FGF12: variants seen among roughly 807,000 people sequenced by gnomAD.
FGF12 encodes fibroblast growth factor 12B.
FGF12 carries 14 observed loss-of-function variants against 23.6 expected under a neutral mutation model. The ratio of observed to expected loss-of-function variants is 0.59; its 90% CI spans 0.39 to 0.93. The LOEUF is 0.93. FGF12 is among the 40% of genes least tolerant of loss of function. The probability of loss-of-function intolerance (pLI) is 0.00; values close to 1 mark genes in which losing one functional copy is unlikely to be tolerated. For missense variants in FGF12, 175 were observed against 217.8 expected (o/e 0.80, Z 1.24); for synonymous variants, 62 against 77.3 (o/e 0.80, Z 1.04).
intron 2 of FGF12, among the ~76,000 whole-genome samples, chr3:192,707,922 T>C (rs560971618): frequency 6.6e-6 from 1 of 152,114 alleles, no homozygotes; most frequent in Non-Finnish European, 1.5e-5. Context: ...AACAGGAAGT[T>C]CAGTCATATG....
At chr3:192,324,276 C>T (rs560649398) in intron 4 of FGF12, among the ~76,000 whole-genome samples, 1 of 152,208 alleles carries the variant, frequency 6.6e-6, no homozygotes, top group East Asian at 1.9e-4. Context: ...ACTCTTCAAG[C>T]AATCCCCCAA....
In FGF12 at chr3:192,409,129, G is replaced by A; in HGVS notation, c.14-48591C>T. On this transcript the variant is annotated intron_variant, in intron 2 of 5. Transcript: ENST00000445105. The surrounding 1 kb of genome is among the most constrained non-coding windows in gnomAD (Gnocchi z 4.8). Reference sequence around the variant, plus strand: ...CCTCGAGGGCCAAGCACCCCTCGGGGAGAAACCAGCGAGAGGCGATCTGCG... The same window carrying A: ...CCTCGAGGGCCAAGCACCCCTCGGGAAGAAACCAGCGAGAGGCGATCTGCG... 1 of 327,328 alleles carries A rather than the reference G, an allele frequency of 3.1e-6. No homozygotes were observed. 20.3% of individuals were successfully genotyped at this position (327,328 alleles called of 1,614,324 possible).
rs530240009 is a variant in FGF12 at position 192,409,529 on chromosome 3, G to A, written c.14-48991C>T. On this transcript the variant is annotated intron_variant, in intron 2 of 5. Transcript: ENST00000445105. The surrounding 1 kb of genome is among the most constrained non-coding windows in gnomAD (Gnocchi z 4.8). Reference sequence around the variant, plus strand: ...CAGCTCACAGGCAGCAGATCAGATGGGGATTACCCGCCGGACGCAAGGCCG... The same window carrying A: ...CAGCTCACAGGCAGCAGATCAGATGAGGATTACCCGCCGGACGCAAGGCCG... 2.6e-5 allele frequency among the ~76,000 whole-genome samples: 4 copies of A among 152,326 alleles called. No homozygotes were observed. In the South Asian group the frequency reaches 8.3e-4, roughly 32 times the overall value.
chr3:192,526,456 A>G (rs1724947935), intron 2 of FGF12, among the ~76,000 whole-genome samples: 1 of 152,190 alleles, frequency 6.6e-6, no homozygotes, highest in African/African-American at 2.4e-5. Flanking sequence ...GAATCAGGAA[A>G]TGCTGAGGCA....
rs114438768 is a variant in FGF12, at chr3:192,289,503, G to A, written c.228+45858C>T. On this transcript the variant is annotated intron_variant, in intron 4 of 5. Transcript: ENST00000445105. Reference sequence around the variant, plus strand: ...AAAAAAATAAGTAGAGGATTCAAATGCGAAAATACAATGACCATTCTAAGT... The same window carrying A: ...AAAAAAATAAGTAGAGGATTCAAATACGAAAATACAATGACCATTCTAAGT... Among the ~76,000 whole-genome samples, 982 of 152,262 alleles carry A rather than the reference G, an allele frequency of 6.4e-3. 9 individuals are homozygous for A. The highest frequency in any genetic ancestry group is 0.023 in the African/African-American group (948 of 41,570).
Position 192,360,510 on chromosome 3 carries a change from C to A in FGF12, c.42G>T (p.Arg14Ser). The A allele has an allele frequency of 1.9e-6, 3 of 1,613,856 alleles. No individual in the cohort carries two copies. The highest frequency in any genetic ancestry group is 2.5e-6 in the Non-Finnish European group (3 of 1,179,798). Reference protein sequence around the residue: ...KEPQLKGIVTRLFSQQGYFLQ... With the variant: ...KEPQLKGIVTSLFSQQGYFLQ... ...GGAAGTATCCCTGCTGGCTGAATAA[C>A]CTTGTCACAATCCCTTTGAGCTGGG... Residue 14 changes from arginine (R) to serine (S), a missense_variant, in exon 3 of 6, where the codon AGG (arginine) becomes AGT (serine). Transcript: ENST00000445105. This position sits in a 1 kb window ranked among gnomAD's most constrained non-coding sequence, Gnocchi z 4.3.
intron 3 of FGF12, among the ~76,000 whole-genome samples, chr3:192,337,787 C>T (rs1177937824): frequency 6.6e-6 from 1 of 152,126 alleles, no homozygotes; most frequent in African/African-American, 2.4e-5. Context: ...TCATGAATAC[C>T]TAATTCTTCT....
chr3:192,645,763 C>T (rs1175212643), intron 2 of FGF12, among the ~76,000 whole-genome samples: 1 of 26,894 alleles, frequency 3.7e-5, no homozygotes, highest in Non-Finnish European at 7.4e-5. Context: ...GTTGACAAAA[C>T]AGGTAAAAAA....
At chr3:192,529,760 A>G (rs1725042199) in intron 2 of FGF12, among the ~76,000 whole-genome samples, 1 of 151,992 alleles carries the variant, frequency 6.6e-6, no homozygotes, top group Non-Finnish European at 1.5e-5. Flanking sequence ...TGTGCAGGGA[A>G]ACTCCCCCTT....
rs148452393 is a variant in FGF12 at position 192,696,829 on chromosome 3, T to A, written c.13+30352A>T. Among the ~76,000 whole-genome samples the A allele has an allele frequency of 4.3e-3, 648 of 152,042 alleles. 4 individuals carry two copies. The highest frequency in any genetic ancestry group is 0.015 in the African/African-American group (624 of 41,480). On this transcript the variant is annotated intron_variant, in intron 2 of 5. Transcript: ENST00000445105. ...GGTGATACAGATGTGCTGGTTTGTATCATTTTATATAACAAGGCCACACTA... is the reference window on the plus strand; with the variant it reads ...GGTGATACAGATGTGCTGGTTTGTAACATTTTATATAACAAGGCCACACTA...
chr3:192,203,566 CT>C (rs3071810), intron 4 of FGF12, among the ~76,000 whole-genome samples: 148 of 130,378 alleles, frequency 1.1e-3, no homozygotes, highest in Admixed American at 2.3e-3. Flanking sequence ...TTTTTCTTTA[CT>C]TTTTTTTTTT....
chr3:192,222,655 A>G (rs918345373), intron 4 of FGF12, among the ~76,000 whole-genome samples: 10 of 152,134 alleles, frequency 6.6e-5, no homozygotes, highest in African/African-American at 2.2e-4. Flanking sequence ...TCAATACATG[A>G]TACTTTTATT....
intron 2 of FGF12, among the ~76,000 whole-genome samples, chr3:192,417,040 A>C (rs549892331): frequency 7.9e-5 from 12 of 152,242 alleles, no homozygotes; most frequent in Non-Finnish European, 1.8e-4. Flanking sequence ...GGATCTCATG[A>C]GGTCATCAGC....
intron 2 of FGF12, among the ~76,000 whole-genome samples, chr3:192,664,605 C>CAAAAAAAAAAAAAAA (rs763256973): frequency 2.7e-5 from 3 of 111,922 alleles, no homozygotes; most frequent in African/African-American, 7.0e-5. Context: ...AAAAAAAATA[C>CAAAAAAAAAAAAAAA]AAAAAAAAAA....
chr3:192,192,728 A>C (rs1332964521), intron 4 of FGF12, among the ~76,000 whole-genome samples: 1 of 150,436 alleles, frequency 6.6e-6, no homozygotes, highest in Non-Finnish European at 1.5e-5. Context: ...ATGAAAAATA[A>C]AAGAAGTGTC....
intron 2 of FGF12, among the ~76,000 whole-genome samples, chr3:192,417,538 C>T (rs1432841908): frequency 1.3e-5 from 2 of 152,010 alleles, no homozygotes; most frequent in Non-Finnish European, 2.9e-5. Context: ...AATAAATGTT[C>T]AGGATGAATA....
Position 192,143,525 on chromosome 3 carries a change from T to C in FGF12, c.*484A>G, listed in dbSNP as rs1266928012. The stretch of plus-strand genomic sequence containing the variant: ...AAAAAATCCTGCAAACAGAATGTAA[T>C]GGTGTGTCAATTCCAGATGCCCAAA... On this transcript the variant is annotated 3_prime_UTR_variant, in exon 6 of 6. Coordinates refer to ENST00000445105, the MANE Select transcript of FGF12 (RefSeq NM_004113.6). 6.6e-6 allele frequency: 1 copy of C among 152,504 alleles called. No homozygotes were observed. The highest frequency in any genetic ancestry group is 1.5e-5 in the Non-Finnish European group (1 of 68,266). 9.4% of individuals were successfully genotyped at this position (152,504 alleles called of 1,614,324 possible).
At chr3:192,167,772 A>AATT (rs1715301623) in intron 5 of FGF12, among the ~76,000 whole-genome samples, 1 of 15,392 alleles carries the variant, frequency 6.5e-5, no homozygotes, top group African/African-American at 2.2e-4. Flanking sequence ...TATATATAAA[A>AATT]TTTTTTTTTT....
intron 2 of FGF12, among the ~76,000 whole-genome samples, chr3:192,520,197 CT>C (rs1415627577): frequency 1.3e-5 from 2 of 152,096 alleles, no homozygotes; most frequent in African/African-American, 2.4e-5. Flanking sequence ...ATCGGTATAT[CT>C]TTTTAGATAG....
Sources: allele counts gnomAD v4.1 joint callset (sites outside exome capture counted in the v4.1 genomes callset), GRCh38; gene constraint gnomAD v4.1.1; non-coding constraint Gnocchi (gnomAD v3.1); transcripts MANE v1.5; gene names NCBI Gene and HGNC (gene_info 2026-07-23, HGNC 2026-07-21).